The following CRPPA variants were observed in gnomAD, a reference collection of about 807,000 sequenced individuals.
CRPPA encodes the protein CDP-L-ribitol pyrophosphorylase A.
In CRPPA, 43 loss-of-function variants were observed where a neutral mutation model predicts 52.0. The ratio of observed to expected loss-of-function variants is 0.83; its 90% CI spans 0.65 to 1.07. The LOEUF is 1.07. Among genes scored for constraint, CRPPA ranks in the 50% least tolerant of loss-of-function variants. The pLI is 0.00. For synonymous variants in CRPPA, 250 were observed against 203.5 expected, an observed-to-expected ratio of 1.23 and a Z score of -1.94; for missense variants, 629 against 551.7, an observed-to-expected ratio of 1.14 and a Z score of -1.40.
At chr7:16,261,468 T>C (rs926289057) in intron 6 of CRPPA, among the ~76,000 whole-genome samples, 3 of 152,090 alleles carry the variant, frequency 2.0e-5, no homozygotes, top group African/African-American at 4.8e-5. Context: ...TTTGTGGCCA[T>C]AATTAACATT....
intron 9 of CRPPA, among the ~76,000 whole-genome samples, chr7:16,115,243 T>C (rs1205237517): frequency 6.6e-6 from 1 of 152,228 alleles, no homozygotes; most frequent in South Asian, 2.1e-4. Context: ...TCATACTCAT[T>C]AGTACTATTG....
intron 6 of CRPPA, among the ~76,000 whole-genome samples, chr7:16,263,239 C>A (rs1783859456): frequency 6.6e-6 from 1 of 152,068 alleles, no homozygotes; most frequent in Non-Finnish European, 1.5e-5. Flanking sequence ...CCTTCATAGT[C>A]TACTTATATT....
chr7:16,091,785 T>C lies in CRPPA; in HGVS notation c.1266A>G (p.Leu422=). The change falls in exon 10 of 10, where the codon CTA becomes CTG. Residue 422 remains leucine (L), a synonymous_variant. Transcript: ENST00000407010. ...TAGCACCTTGCCTTAAACTCTCCTG[T>C]AGCTTCTGATCATCCTGAAAAGAAA... ...LISYPQDDQK[L]QESLRQGAII... The C allele has an allele frequency of 6.6e-7, 1 of 1,526,108 alleles. No homozygotes were observed. Among genetic ancestry groups the C allele is most frequent in the East Asian group, 2.4e-5 (1 of 41,186 alleles). The allele number at this position is 1,526,108 out of a possible 1,614,324, so 94.5% of individuals were successfully genotyped here. A position where few individuals can be genotyped will look rare whatever the true frequency, so the allele number is the denominator to read the frequency against.
At chr7:16,264,627 T>C (rs1420735216) in intron 6 of CRPPA, among the ~76,000 whole-genome samples, 1 of 152,232 alleles carries the variant, frequency 6.6e-6, no homozygotes, top group Non-Finnish European at 1.5e-5. Context: ...GTCAATCATC[T>C]TTTTACAGAA....
At chr7:16,400,656 A>T (rs1328339000) in intron 2 of CRPPA, among the ~76,000 whole-genome samples, 1 of 152,210 alleles carries the variant, frequency 6.6e-6, no homozygotes, top group African/African-American at 2.4e-5. Context: ...CGTGACTGAC[A>T]CGTGTCCATA....
At chr7:16,134,223 A>C (rs1782725584) in intron 9 of CRPPA, among the ~76,000 whole-genome samples, 1 of 125,206 alleles carries the variant, frequency 8.0e-6, no homozygotes, top group Non-Finnish European at 1.8e-5. Context: ...GAGACGCCAC[A>C]CACGGACCTT....
intron 9 of CRPPA, among the ~76,000 whole-genome samples, chr7:16,160,040 A>C (rs1304577336): frequency 6.6e-6 from 1 of 151,706 alleles, no homozygotes; most frequent in Non-Finnish European, 1.5e-5. Context: ...TTGTAAATTT[A>C]AGTTCTTTGT....
chr7:16,385,053 T>A lies in CRPPA; in HGVS notation c.535-8812A>T, dbSNP rs1011706094. ...AATGAACATTTATAAAGGAGCTCAG[T>A]GACAGGCTTGAACTAGAGAGGAATC... On this transcript the variant is annotated intron_variant, in intron 2 of 9. Transcript: ENST00000407010. Among the ~76,000 whole-genome samples, 9 of 152,238 alleles carry A rather than the reference T, an allele frequency of 5.9e-5. No homozygotes were observed. The South Asian group carries it at 1.9e-3, about 32-fold the overall frequency.
At chr7:16,160,708 G>T (rs879376966) in intron 9 of CRPPA, among the ~76,000 whole-genome samples, 1 of 152,150 alleles carries the variant, frequency 6.6e-6, no homozygotes, top group Non-Finnish European at 1.5e-5. Flanking sequence ...AAGAAAGTCA[G>T]TGGTAGCTTG....
intron 9 of CRPPA, among the ~76,000 whole-genome samples, chr7:16,162,391 G>C (rs1457641997): frequency 6.6e-6 from 1 of 152,022 alleles, no homozygotes; most frequent in Non-Finnish European, 1.5e-5. Context: ...TGCTCTCATT[G>C]GTTTCAAAGA....
At chr7:16,395,368 T>G (rs1245858917) in intron 2 of CRPPA, among the ~76,000 whole-genome samples, 1 of 152,212 alleles carries the variant, frequency 6.6e-6, no homozygotes, top group Non-Finnish European at 1.5e-5. Flanking sequence ...CTCAGGCAAC[T>G]GCATTCTAGC....
chr7:16,154,960 C>T (rs1783146844), intron 9 of CRPPA, among the ~76,000 whole-genome samples: 1 of 147,752 alleles, frequency 6.8e-6, no homozygotes. Flanking sequence ...ACCACACACC[C>T]AGCTAATTTT....
At chr7:16,229,486 C>T (rs1239076637) in intron 8 of CRPPA, among the ~76,000 whole-genome samples, 1 of 151,984 alleles carries the variant, frequency 6.6e-6, no homozygotes, top group Non-Finnish European at 1.5e-5. Context: ...ACAAAAACCA[C>T]ATTAAATTGT....
chr7:16,389,561 T>C (rs1355875918), intron 2 of CRPPA, among the ~76,000 whole-genome samples: 2 of 152,086 alleles, frequency 1.3e-5, no homozygotes, highest in Admixed American at 6.5e-5. Context: ...AACACCCCTT[T>C]GTGAGAAAAG....
chr7:16,251,346 G>A (rs1275514209), intron 8 of CRPPA, among the ~76,000 whole-genome samples: 1 of 151,740 alleles, frequency 6.6e-6, no homozygotes, highest in Non-Finnish European at 1.5e-5. Flanking sequence ...AGGATAATGA[G>A]GACTTGAACT....
At chr7:16,305,751 A>C (rs1784894324) in intron 4 of CRPPA, among the ~76,000 whole-genome samples, 1 of 152,138 alleles carries the variant, frequency 6.6e-6, no homozygotes, top group Non-Finnish European at 1.5e-5. Flanking sequence ...CTGTGGTGGC[A>C]AGCACCTGTA....
chr7:16,148,036 C>T (rs929961899), intron 9 of CRPPA, among the ~76,000 whole-genome samples: 1 of 152,056 alleles, frequency 6.6e-6, no homozygotes, highest in African/African-American at 2.4e-5. Context: ...TCTTCCAGCC[C>T]TCAATATTGT....
rs114874379 is a variant in CRPPA at position 16,147,663 on chromosome 7, G to A, written c.1252-55864C>T. Among the ~76,000 whole-genome samples the A allele has an allele frequency of 6.7e-3, 1,019 of 152,208 alleles. 13 individuals carry two copies. Among genetic ancestry groups the A allele is most frequent in the African/African-American group, 0.024 (976 of 41,522 alleles). On this transcript the variant is annotated intron_variant, in intron 9 of 9. Coordinates refer to ENST00000407010, the MANE Select transcript of CRPPA (RefSeq NM_001101426.4). ...TAAGTTGTACTCTAAGCTCTTTGAG[G>A]AATTAAAACATGTCTGACATTTTCA...
chr7:16,377,665 T>C (rs939574677), intron 2 of CRPPA, among the ~76,000 whole-genome samples: 2 of 152,170 alleles, frequency 1.3e-5, no homozygotes, highest in African/African-American at 2.4e-5. Flanking sequence ...ACAGACTCTG[T>C]AGTACTCAAG....
Sources: allele counts gnomAD v4.1 joint callset (sites outside exome capture counted in the v4.1 genomes callset), GRCh38; gene constraint gnomAD v4.1.1; transcripts MANE v1.5; gene names NCBI Gene and HGNC (gene_info 2026-07-23, HGNC 2026-07-21).